PAN3: variants seen among roughly 807,000 people sequenced by gnomAD.
PAN3 encodes PAN2-PAN3 deadenylation complex subunit PAN3.
Under a neutral mutation model 96.2 loss-of-function variants are expected in PAN3, and 19 were observed. The ratio of observed to expected loss-of-function variants is 0.20; its 90% CI spans 0.14 to 0.29. PAN3 has a LOEUF of 0.29. PAN3 is among the 10% of genes least tolerant of loss of function. The pLI is 1.00. For synonymous variants in PAN3, 433 were observed against 406.6 expected (o/e 1.06, Z -0.78); for missense variants, 882 against 1,108.1 (o/e 0.80, Z 2.90).
At chr13:28,253,020 TGAA>T (rs905061739) in intron 6 of PAN3, among the ~76,000 whole-genome samples, 98 of 152,280 alleles carry the variant, frequency 6.4e-4, no homozygotes, top group African/African-American at 2.2e-3. Flanking sequence ...AAATTTCTAA[TGAA>T]GAAGAAGAAA....
intron 13 of PAN3, 120 bp downstream of exon 13, chr13:28,270,986 T>G: frequency 2.0e-6 from 2 of 1,020,224 alleles, no homozygotes; most frequent in Non-Finnish European, 2.8e-6. Context: ...AGAACTTCTG[T>G]AACTTTGAAT....
intron 1 of PAN3, among the ~76,000 whole-genome samples, chr13:28,158,869 C>G (rs576617210): frequency 1.3e-5 from 2 of 149,606 alleles, no homozygotes; most frequent in African/African-American, 4.9e-5. Flanking sequence ...CAGAGCAAGA[C>G]TCCATCTCAG....
chr13:28,185,442 G>A (rs1482652315), intron 4 of PAN3, among the ~76,000 whole-genome samples: 1 of 152,100 alleles, frequency 6.6e-6, no homozygotes, highest in Non-Finnish European at 1.5e-5. Context: ...CAAGTGTGAG[G>A]TTCAACCATG....
intron 17 of PAN3, among the ~76,000 whole-genome samples, chr13:28,281,766 C>CTTTTTTTTTTTTTTTTTTTTT (rs10707261): frequency 8.7e-6 from 1 of 114,958 alleles, no homozygotes; most frequent in Non-Finnish European, 1.8e-5. Flanking sequence ...TTAAAGCACA[C>CTTTTTTTTTTTTTTTTTTTTT]TTTTTTTTTT....
intron 5 of PAN3, chr13:28,214,660 G>A (rs1295736049): frequency 1.1e-5 from 5 of 440,480 alleles, no homozygotes; most frequent in South Asian, 1.1e-4. Flanking sequence ...CTGCTGAGAT[G>A]GGAAAGGGCT....
chr13:28,263,433 A>G (rs1346239681), intron 9 of PAN3, among the ~76,000 whole-genome samples: 3 of 152,254 alleles, frequency 2.0e-5, no homozygotes, highest in Non-Finnish European at 4.4e-5. Flanking sequence ...CCTGGGCTCA[A>G]GCAGTCCTCC....
intron 1 of PAN3, among the ~76,000 whole-genome samples, chr13:28,146,036 C>T (rs1200671182): frequency 1.3e-5 from 2 of 152,058 alleles, no homozygotes; most frequent in East Asian, 3.9e-4. Context: ...GCTGGGATTG[C>T]AGGTGTGAGT....
At chr13:28,262,027 G>A (rs1220120264) in intron 9 of PAN3, among the ~76,000 whole-genome samples, 2 of 152,156 alleles carry the variant, frequency 1.3e-5, no homozygotes, top group African/African-American at 2.4e-5. Context: ...TTAAGCAGGA[G>A]AGGATGGTAA....
intron 1 of PAN3, among the ~76,000 whole-genome samples, chr13:28,155,724 TAC>T (rs1593373005): frequency 6.6e-6 from 1 of 152,168 alleles, no homozygotes; most frequent in African/African-American, 2.4e-5. Flanking sequence ...ATCTCATATA[TAC>T]ACACACATAT....
intron 6 of PAN3, among the ~76,000 whole-genome samples, chr13:28,241,043 C>G (rs148065472): frequency 5.3e-5 from 8 of 152,314 alleles, no homozygotes; most frequent in African/African-American, 1.9e-4. Flanking sequence ...GGCAAGGTTG[C>G]TTGAGTCCAG....
chr13:28,239,880 C>CT (rs1300164590), intron 6 of PAN3: 5 of 312,736 alleles, frequency 1.6e-5, no homozygotes, highest in Admixed American at 4.3e-5. Flanking sequence ...AATTTTACTG[C>CT]TTTTTTTGCC....
chr13:28,267,927 T>A (rs1226496401), intron 12 of PAN3, among the ~76,000 whole-genome samples: 1 of 152,194 alleles, frequency 6.6e-6, no homozygotes, highest in Non-Finnish European at 1.5e-5. Flanking sequence ...GAAATGGAGA[T>A]GATGGTCAAG....
chr13:28,194,715 C>G (rs1212740917), intron 4 of PAN3, among the ~76,000 whole-genome samples: 1 of 151,814 alleles, frequency 6.6e-6, no homozygotes, highest in Non-Finnish European at 1.5e-5. Flanking sequence ...GGCAATCTGC[C>G]CATCTCCGCC....
At chr13:28,278,708 A>G (rs1887239533) in intron 15 of PAN3, among the ~76,000 whole-genome samples, 1 of 152,120 alleles carries the variant, frequency 6.6e-6, no homozygotes, top group Non-Finnish European at 1.5e-5. Flanking sequence ...CAATAACTCT[A>G]TAAATTAGAT....
intron 5 of PAN3, among the ~76,000 whole-genome samples, chr13:28,216,229 T>A (rs142154074): frequency 6.7e-6 from 1 of 149,968 alleles, no homozygotes; most frequent in East Asian, 2.0e-4. Context: ...AAAAAATACA[T>A]ATATGTGTAT....
chr13:28,168,822 T>C (rs1873911394), intron 1 of PAN3, among the ~76,000 whole-genome samples: 1 of 151,914 alleles, frequency 6.6e-6, no homozygotes, highest in African/African-American at 2.4e-5. Context: ...ATGGAGACCA[T>C]CCTGGCTAAC....
chr13:28,235,178 C>G (rs559394309), intron 6 of PAN3, among the ~76,000 whole-genome samples: 1 of 152,144 alleles, frequency 6.6e-6, no homozygotes. Flanking sequence ...TGTCATTCCT[C>G]CCATTCCTTC....
At chr13:28,185,657 A>G (rs560503451) in intron 4 of PAN3, among the ~76,000 whole-genome samples, 1 of 152,194 alleles carries the variant, frequency 6.6e-6, no homozygotes. Context: ...GCTTTATCAT[A>G]TTTAAACGTG....
intron 1 of PAN3, among the ~76,000 whole-genome samples, chr13:28,165,938 C>T (rs1169482580): frequency 6.6e-6 from 1 of 152,104 alleles, no homozygotes; most frequent in African/African-American, 2.4e-5. Flanking sequence ...CTAAAGGCCC[C>T]AATTCTCAAT....
Sources: gnomAD v4.1 joint callset for allele counts (sites outside exome capture counted in the v4.1 genomes callset) on GRCh38, gnomAD v4.1.1 for gene constraint, MANE v1.5 for transcripts, NCBI Gene and HGNC (gene_info 2026-07-23, HGNC 2026-07-21) for gene names.